Variants in SBF2 observed in about 807,000 individuals in gnomAD.
SBF2 encodes SET binding factor 2.
In SBF2, 112 loss-of-function variants were observed where a neutral mutation model predicts 225.2. The observed-to-expected ratio is 0.50, with a 90% CI of 0.43 to 0.58. The LOEUF is 0.58. SBF2 is among the 20% of genes least tolerant of loss of function. The pLI, the probability that SBF2 is intolerant of heterozygous loss-of-function variation, is 0.00. For missense variants in SBF2, 1,996 were observed against 2,206.2 expected, an observed-to-expected ratio of 0.90 and a Z score of 1.91; for synonymous variants, 763 against 773.3, an observed-to-expected ratio of 0.99 and a Z score of 0.22.
intron 2 of SBF2, among the ~76,000 whole-genome samples, chr11:10,148,793 A>G (rs1955015855): frequency 6.6e-6 from 1 of 152,194 alleles, no homozygotes. Flanking sequence ...AATCTGTAGC[A>G]TTATGAAATC....
chr11:9,843,158 G>C (rs1365499780), intron 24 of SBF2, among the ~76,000 whole-genome samples: 1 of 152,134 alleles, frequency 6.6e-6, no homozygotes. Flanking sequence ...TACATGGAAA[G>C]CCAGCCTGCC....
chr11:9,841,865 T>C (rs926069972), intron 25 of SBF2, among the ~76,000 whole-genome samples: 9 of 152,164 alleles, frequency 5.9e-5, no homozygotes, highest in African/African-American at 2.2e-4. Context: ...CAACTGAAAA[T>C]GGAGACCGGT....
Position 9,800,388 on chromosome 11 carries a change from GTATT to G in SBF2, c.4444-4435_4444-4432del, listed in dbSNP as rs895623409. ...TTTGCTTAACAGGGATTTTTAAAAA[GTATT>G]TATTTATTTATTTAAATTATTATTA... On this transcript the variant is annotated intron_variant, in intron 32 of 39. Transcript: ENST00000256190. 1.1e-3 allele frequency among the ~76,000 whole-genome samples: 172 copies of G among 152,036 alleles called. 1 individual carries two copies. The highest frequency in any genetic ancestry group is 3.9e-3 in the African/African-American group (160 of 41,504).
intron 16 of SBF2, among the ~76,000 whole-genome samples, chr11:9,931,556 A>C (rs1016282230): frequency 6.6e-6 from 1 of 152,236 alleles, no homozygotes; most frequent in African/African-American, 2.4e-5. Context: ...TAAAAGGAAA[A>C]CTAAACAACA....
intron 36 of SBF2, among the ~76,000 whole-genome samples, chr11:9,786,440 G>A (rs1852379795): frequency 6.6e-6 from 1 of 152,048 alleles, no homozygotes; most frequent in Admixed American, 6.5e-5. Context: ...AAGCATTAAG[G>A]CATCACCCAC....
At chr11:10,121,295 C>T (rs917073653) in intron 2 of SBF2, among the ~76,000 whole-genome samples, 4 of 152,184 alleles carry the variant, frequency 2.6e-5, no homozygotes, top group Admixed American at 6.5e-5. Flanking sequence ...GACTGGTTTG[C>T]TTCTTCCATC....
intron 6 of SBF2, 38 bp from the exon 7 acceptor site, chr11:10,002,727 A>G (rs755949104): frequency 5.0e-6 from 8 of 1,594,656 alleles, no homozygotes; most frequent in Non-Finnish European, 1.7e-6. Flanking sequence ...AATGCATTTA[A>G]TTTTATATGT....
chr11:10,148,283 C>T (rs1954980662), intron 2 of SBF2, among the ~76,000 whole-genome samples: 1 of 151,970 alleles, frequency 6.6e-6, no homozygotes. Context: ...TTCCAAAAAT[C>T]CTGTGAGATC....
At chr11:9,920,011 T>G (rs1433943059) in intron 16 of SBF2, among the ~76,000 whole-genome samples, 1 of 151,958 alleles carries the variant, frequency 6.6e-6, no homozygotes, top group African/African-American at 2.4e-5. Flanking sequence ...GGATTACAGG[T>G]GTGAGCCACC....
intron 2 of SBF2, among the ~76,000 whole-genome samples, chr11:10,141,626 G>T (rs1488147883): frequency 6.6e-6 from 1 of 152,138 alleles, no homozygotes; most frequent in Non-Finnish European, 1.5e-5. Context: ...AGGTGATGCT[G>T]CTTGATAAAC....
chr11:10,048,232 C>A (rs1398599262), intron 2 of SBF2, among the ~76,000 whole-genome samples: 1 of 152,142 alleles, frequency 6.6e-6, no homozygotes, highest in Non-Finnish European at 1.5e-5. Context: ...AACAACCCAT[C>A]TATACTAAAT....
At chr11:10,075,818 T>C (rs1182340691) in intron 2 of SBF2, among the ~76,000 whole-genome samples, 1 of 152,170 alleles carries the variant, frequency 6.6e-6, no homozygotes, top group Non-Finnish European at 1.5e-5. Flanking sequence ...AACACAGTAA[T>C]TGATGAATGC....
chr11:10,285,225 A>G (rs536718186), intron 1 of SBF2, among the ~76,000 whole-genome samples: 1 of 150,568 alleles, frequency 6.6e-6, no homozygotes, highest in South Asian at 2.1e-4. Context: ...TGGGAAGATG[A>G]ACTGAGCCTG....
chr11:10,173,559 T>C (rs550592685), intron 2 of SBF2, among the ~76,000 whole-genome samples: 1 of 152,170 alleles, frequency 6.6e-6, no homozygotes, highest in African/African-American at 2.4e-5. Flanking sequence ...GAGATCAAAC[T>C]GCAAGGCGGC....
At chr11:10,220,849 C>A (rs758543245) in intron 1 of SBF2, among the ~76,000 whole-genome samples, 26 of 152,120 alleles carry the variant, frequency 1.7e-4, no homozygotes, top group Non-Finnish European at 3.1e-4. Flanking sequence ...TGTTAGGCCC[C>A]CACATACATA....
At chr11:10,287,879 T>C (rs7945930) in intron 1 of SBF2, among the ~76,000 whole-genome samples, 75,813 of 151,724 alleles carry the variant, frequency 0.5, 19,236 homozygotes, top group Non-Finnish European at 0.55. Context: ...AGGCGTGGAG[T>C]GGTGAGGGGT....
intron 6 of SBF2, among the ~76,000 whole-genome samples, chr11:10,026,571 A>T (rs1318372356): frequency 6.6e-6 from 1 of 152,012 alleles, no homozygotes; most frequent in Non-Finnish European, 1.5e-5. Context: ...TCTCTATAAA[A>T]CAAAAAAATT....
intron 6 of SBF2, among the ~76,000 whole-genome samples, chr11:10,010,319 G>C (rs991320220): frequency 6.6e-5 from 10 of 152,136 alleles, no homozygotes; most frequent in African/African-American, 2.4e-4. Flanking sequence ...CTTTGCCCAT[G>C]CCTATGTATT....
intron 19 of SBF2, among the ~76,000 whole-genome samples, chr11:9,855,390 C>A (rs1054490302): frequency 1.3e-5 from 2 of 152,096 alleles, no homozygotes; most frequent in Admixed American, 6.6e-5. Flanking sequence ...ATGAGTCTTC[C>A]ACAGAGTAAG....
Sources: allele counts gnomAD v4.1 joint callset (sites outside exome capture counted in the v4.1 genomes callset), GRCh38; gene constraint gnomAD v4.1.1; transcripts MANE v1.5; gene names NCBI Gene and HGNC (gene_info 2026-07-23, HGNC 2026-07-21).